GSTA3: variants seen among roughly 807,000 people sequenced by gnomAD.
GSTA3 encodes glutathione S-transferase A3.
GSTA3 carries 16 observed loss-of-function variants against 23.1 expected under a neutral mutation model. The ratio of observed to expected loss-of-function variants is 0.69; its 90% CI spans 0.47 to 1.05. The LOEUF (loss-of-function observed/expected upper bound fraction) is 1.05. Among genes scored for constraint, GSTA3 ranks in the 50% least tolerant of loss-of-function variants. GSTA3 has a pLI of 0.00. For synonymous variants in GSTA3, 122 were observed against 91.0 expected (o/e 1.34, Z -1.94); for missense variants, 319 against 263.6 (o/e 1.21, Z -1.46).
intron 2 of GSTA3, among the ~76,000 whole-genome samples, chr6:52,905,371 C>T (rs1765856338): frequency 6.6e-6 from 1 of 152,012 alleles, no homozygotes; most frequent in African/African-American, 2.4e-5. Flanking sequence ...CAAAATGACA[C>T]TAAAAAATTT....
At chr6:52,904,719 C>T (rs972650558) in intron 2 of GSTA3, among the ~76,000 whole-genome samples, 2 of 152,124 alleles carry the variant, frequency 1.3e-5, no homozygotes, top group African/African-American at 4.8e-5. Flanking sequence ...GGACTCTGGT[C>T]TGGACTGGGA....
chr6:52,899,041 TGGGTAGAGCAGGTAATCAGAATGAGTCA>T (rs1765572237), intron 5 of GSTA3, among the ~76,000 whole-genome samples: 2 of 151,750 alleles, frequency 1.3e-5, no homozygotes, highest in African/African-American at 4.8e-5. Context: ...GGAATGAGTT[TGGGTAGAGCAGGTAATCAGAATGAGTCA>T]GGGTAGAGCA....
At chr6:52,905,701 A>G (rs1164643295) in intron 2 of GSTA3, 47 bp downstream of exon 2, 4 of 1,087,370 alleles carry the variant, frequency 3.7e-6, no homozygotes, top group Admixed American at 3.7e-5. Context: ...AAATATTTTG[A>G]TACAGTCAAT....
chr6:52,901,581 T>G (rs969267914), intron 4 of GSTA3, among the ~76,000 whole-genome samples: 1 of 152,244 alleles, frequency 6.6e-6, no homozygotes, highest in African/African-American at 2.4e-5. Flanking sequence ...TTGCCGTTAT[T>G]TGCACTGTAC....
chr6:52,899,044 G>A (rs1765572556), intron 5 of GSTA3, among the ~76,000 whole-genome samples: 1 of 152,096 alleles, frequency 6.6e-6, no homozygotes, highest in Non-Finnish European at 1.5e-5. Flanking sequence ...ATGAGTTTGG[G>A]TAGAGCAGGT....
At chr6:52,907,276 C>A (rs1419281059) in intron 1 of GSTA3, among the ~76,000 whole-genome samples, 1 of 112,666 alleles carries the variant, frequency 8.9e-6, no homozygotes, top group Non-Finnish European at 1.7e-5. Flanking sequence ...CAATGAGATA[C>A]CATCTCACAC....
chr6:52,905,178 G>A (rs1441107080), intron 2 of GSTA3, among the ~76,000 whole-genome samples: 1 of 151,974 alleles, frequency 6.6e-6, no homozygotes, highest in African/African-American at 2.4e-5. Context: ...AAATACAATG[G>A]TCCTCTTTGT....
At chr6:52,899,543 C>G (rs1020717447) in intron 5 of GSTA3, among the ~76,000 whole-genome samples, 1 of 152,198 alleles carries the variant, frequency 6.6e-6, no homozygotes, top group African/African-American at 2.4e-5. Context: ...TGTCTTCCTA[C>G]ACATGGTGCC....
intron 1 of GSTA3, among the ~76,000 whole-genome samples, chr6:52,907,313 T>G (rs1322955332): frequency 1.6e-5 from 2 of 123,186 alleles, no homozygotes; most frequent in Middle Eastern, 3.7e-3. Flanking sequence ...CATTAAAAAG[T>G]CAGGAAACAA....
chr6:52,897,889 A>G lies in GSTA3; in HGVS notation c.482T>C (p.Val161Ala). The change falls in exon 6 of 7, where the codon GTG becomes GCG. Residue 161 changes from valine to alanine, a missense_variant. By Grantham distance (64) the Val-to-Ala change is moderately conservative (BLOSUM62 0). Coordinates refer to ENST00000211122, the MANE Select transcript of GSTA3 (RefSeq NM_000847.5). ...NKLSRADISL[V>A]ELLYYVEELD... ...CTCTTCCACATAGTAGAGAAGTTCC[A>G]CCAGGCTAATGTCAGCCCGGCTCAG... 1 of 1,613,932 alleles carries G rather than the reference A, an allele frequency of 6.2e-7. No individual in the cohort carries two copies. The highest frequency in any genetic ancestry group is 8.5e-7 in the Non-Finnish European group (1 of 1,179,894).
At chr6:52,903,777 T>G (rs138148118) in intron 2 of GSTA3, 50 bp from the exon 3 acceptor site, 1 of 1,102,716 alleles carries the variant, frequency 9.1e-7, no homozygotes, top group African/African-American at 1.6e-5. Context: ...TCCATAGCAT[T>G]ACAGACTTGT....
intron 2 of GSTA3, among the ~76,000 whole-genome samples, chr6:52,904,663 C>T (rs1765830350): frequency 6.6e-6 from 1 of 152,142 alleles, no homozygotes; most frequent in African/African-American, 2.4e-5. Context: ...CTGAGTTTTT[C>T]CATTACTTAC....
chr6:52,903,447 A>C (rs1765768258), intron 3 of GSTA3, among the ~76,000 whole-genome samples: 1 of 150,926 alleles, frequency 6.6e-6, no homozygotes. Flanking sequence ...AAAAAAAAAA[A>C]CTAGCCTGGT....
chr6:52,905,464 T>A (rs1377277283), intron 2 of GSTA3, among the ~76,000 whole-genome samples: 1 of 152,152 alleles, frequency 6.6e-6, no homozygotes, highest in East Asian at 1.9e-4. Context: ...TATTTTATAG[T>A]TTGTTTAAAT....
At position 52,902,502 on chromosome 6, in the gene GSTA3, G is replaced by A. The variant is rs367578958; in HGVS notation, c.140-24C>T. ...ATCTTTAGAAAGAAGGAAAAAAAAGGAACATGAAATTTCTATGAATCCCAC... is the reference window on the plus strand; with the variant it reads ...ATCTTTAGAAAGAAGGAAAAAAAAGAAACATGAAATTTCTATGAATCCCAC... On this transcript the variant is annotated intron_variant, in intron 3 of 6. Coordinates refer to ENST00000211122, the MANE Select transcript of GSTA3 (RefSeq NM_000847.5). The A allele has an allele frequency of 5.1e-5, 82 of 1,593,596 alleles. No individual in the cohort carries two copies. The African/African-American group carries it at 9.9e-4, about 19-fold the overall frequency.
chr6:52,904,232 C>T (rs893952325), intron 2 of GSTA3, among the ~76,000 whole-genome samples: 3 of 152,036 alleles, frequency 2.0e-5, no homozygotes, highest in African/African-American at 7.2e-5. Context: ...TCAAGCAATC[C>T]TCCCCTATCG....
intron 3 of GSTA3, 73 bp from the exon 4 acceptor site, chr6:52,902,551 T>C: frequency 7.1e-7 from 1 of 1,400,364 alleles, no homozygotes. Flanking sequence ...AAAATGATGG[T>C]TGAAATGACT....
chr6:52,897,908 G>C lies in GSTA3; in HGVS notation c.463C>G (p.Arg155Gly). The change falls in exon 6 of 7, where the codon CGG (arginine) becomes GGG (glycine). Residue 155 changes from arginine (R) to glycine (G), a missense_variant. Coordinates refer to ENST00000211122, the MANE Select transcript of GSTA3 (RefSeq NM_000847.5). ...QDYLVGNKLS[R>G]ADISLVELLY... The stretch of plus-strand genomic sequence containing the variant: ...AGTTCCACCAGGCTAATGTCAGCCC[G>C]GCTCAGCTTGTTGCCAACAAGGTAG... 3 of 1,613,936 alleles carry C rather than the reference G, an allele frequency of 1.9e-6. 1 individual carries two copies. The highest frequency in any genetic ancestry group is 2.2e-5 in the South Asian group (2 of 91,074).
At position 52,897,502 on chromosome 6, in the gene GSTA3, C is replaced by T. The variant is rs575060075; in HGVS notation, c.546+323G>A. On this transcript the variant is annotated intron_variant, in intron 6 of 6. Transcript: ENST00000211122. ...CCAATTCAGTGTGGGAACACAAGGA[C>T]AGTCTTGGGATAAAGGGAATCACAG... Among the ~76,000 whole-genome samples the T allele has an allele frequency of 5.3e-5, 8 of 152,262 alleles. No individual in the cohort carries two copies. In the South Asian group the frequency reaches 1.7e-3, roughly 32 times the overall value.
Sources: gnomAD v4.1 joint callset for allele counts (sites outside exome capture counted in the v4.1 genomes callset) on GRCh38, gnomAD v4.1.1 for gene constraint, MANE v1.5 for transcripts, NCBI Gene and HGNC (gene_info 2026-07-23, HGNC 2026-07-21) for gene names.